Variants in FRRS1 observed in about 807,000 individuals in gnomAD.
FRRS1 encodes the protein ferric chelate reductase 1.
Under a neutral mutation model 70.7 loss-of-function variants are expected in FRRS1, and 51 were observed. That is an observed-to-expected ratio of 0.72 (90% CI 0.58 to 0.91). FRRS1 has a LOEUF of 0.91. Among genes scored for constraint, FRRS1 ranks in the 40% least tolerant of loss-of-function variants. The pLI is 0.00. For missense variants in FRRS1, 672 were observed against 726.0 expected (o/e 0.93, Z 0.86); for synonymous variants, 225 against 238.7 (o/e 0.94, Z 0.53).
chr1:99,718,949 A>G (rs1275987371), intron 10 of FRRS1, among the ~76,000 whole-genome samples: 1 of 152,186 alleles, frequency 6.6e-6, no homozygotes, highest in Non-Finnish European at 1.5e-5. Flanking sequence ...TAGATGTCTT[A>G]AAAGCTCCAC....
At chr1:99,756,840 A>G (rs1389075134) in intron 1 of FRRS1, among the ~76,000 whole-genome samples, 1 of 152,170 alleles carries the variant, frequency 6.6e-6, no homozygotes, top group Non-Finnish European at 1.5e-5. Context: ...TTTATTTTAA[A>G]TTAAAGTATC....
At chr1:99,741,808 C>T (rs1373028308) in intron 5 of FRRS1, among the ~76,000 whole-genome samples, 1 of 152,180 alleles carries the variant, frequency 6.6e-6, no homozygotes, top group East Asian at 1.9e-4. Flanking sequence ...ACTTCATTCA[C>T]TTAACAAATG....
At chr1:99,758,225 T>C (rs182119587) in intron 1 of FRRS1, among the ~76,000 whole-genome samples, 2 of 152,370 alleles carry the variant, frequency 1.3e-5, no homozygotes, top group Admixed American at 6.5e-5. Flanking sequence ...CTCTCTGCTT[T>C]GAAACAAAAG....
intron 1 of FRRS1, among the ~76,000 whole-genome samples, chr1:99,762,783 A>AAAC (rs1438317759): frequency 6.6e-6 from 1 of 152,202 alleles, no homozygotes; most frequent in Non-Finnish European, 1.5e-5. Context: ...ATTGGATTCC[A>AAAC]AACACTCTTT....
chr1:99,737,081 T>A (rs1257844379), intron 7 of FRRS1, among the ~76,000 whole-genome samples: 2 of 152,042 alleles, frequency 1.3e-5, no homozygotes, highest in African/African-American at 2.4e-5. Context: ...CCATTTCTGG[T>A]CATCCCTATG....
rs1351937415 is a variant in FRRS1 at position 99,728,554 on chromosome 1, C to T, written c.945G>A (p.Lys315=). ...AGCTTGTGTTTAGATCAAATCTATT[C>T]TTAACTCCAGGAAGGGTAATGTTTC... ...FRRNITLPGV[K]NRFDLNTSYY... is the part of the protein sequence containing the mutation. The change falls in exon 9 of 17, where the codon AAG becomes AAA. Residue 315 remains lysine (K), a synonymous_variant. Transcript: ENST00000646001. 1 of 1,613,154 alleles carries T rather than the reference C, an allele frequency of 6.2e-7. No homozygotes were observed. The highest frequency in any genetic ancestry group is 2.2e-5 in the East Asian group (1 of 44,872).
chr1:99,717,946 G>A, intron 10 of FRRS1, among the ~76,000 whole-genome samples: 1 of 152,178 alleles, frequency 6.6e-6, no homozygotes, highest in East Asian at 1.9e-4. Context: ...CTGCCTGTGT[G>A]TAGTTATTTC....
At chr1:99,766,517 C>T (rs1412112734) in intron 1 of FRRS1, 90 bp downstream of exon 1, 1 of 152,178 alleles carries the variant, frequency 6.6e-6, no homozygotes, top group Non-Finnish European at 1.5e-5. Flanking sequence ...TCAGCACAGG[C>T]ACTCGCTCTC....
intron 4 of FRRS1, among the ~76,000 whole-genome samples, chr1:99,744,901 C>G (rs1351416051): frequency 1.5e-5 from 2 of 136,680 alleles, no homozygotes; most frequent in African/African-American, 5.1e-5. Flanking sequence ...ACCCGGGAGG[C>G]GGAGCTTGCA....
At chr1:99,727,814 C>A (rs1302770775) in intron 9 of FRRS1, among the ~76,000 whole-genome samples, 1 of 152,184 alleles carries the variant, frequency 6.6e-6, no homozygotes, top group Non-Finnish European at 1.5e-5. Context: ...GAAACAAAAT[C>A]GAATTATTCC....
Position 99,707,464 on chromosome 1 carries a change from A to ATTCATTAT in FRRS1, c.*1556_*1563dup, listed in dbSNP as rs1349194949. 6.6e-6 allele frequency among the ~76,000 whole-genome samples: 1 copy of ATTCATTAT among 152,222 alleles called. No individual in the cohort carries two copies. Among genetic ancestry groups the ATTCATTAT allele is most frequent in the Non-Finnish European group, 1.5e-5 (1 of 68,034 alleles). ...TATTTGCTTTGCCTAAGATAGCTGC[A>ATTCATTAT]TTCATTATTACAGGGTCAGGGGACT... is the stretch of plus-strand genomic sequence containing the variant. On this transcript the variant is annotated 3_prime_UTR_variant, in exon 17 of 17. Coordinates refer to ENST00000646001, the MANE Select transcript of FRRS1 (RefSeq NM_001361041.2).
chr1:99,748,556 T>C lies in FRRS1; in HGVS notation c.196+17A>G. On this transcript the variant is annotated intron_variant, in intron 3 of 16. Transcript: ENST00000646001. ...GAGTGAAATCCAAAATGTAAACAGT[T>C]AATCCCAGCACGGTACCTTCAATCT... 1 of 1,594,746 alleles carries C rather than the reference T, an allele frequency of 6.3e-7. No homozygotes were observed. Among genetic ancestry groups the C allele is most frequent in the Non-Finnish European group, 8.6e-7 (1 of 1,165,908 alleles).
intron 9 of FRRS1, among the ~76,000 whole-genome samples, chr1:99,723,307 G>A (rs1043133373): frequency 6.6e-6 from 1 of 152,098 alleles, no homozygotes; most frequent in Non-Finnish European, 1.5e-5. Flanking sequence ...CTTGAGCCGG[G>A]GAGTTGGAGA....
rs1325346237 is a variant in FRRS1, at chr1:99,704,252, A to G, written c.*4776T>C. 6.6e-6 allele frequency among the ~76,000 whole-genome samples: 1 copy of G among 152,210 alleles called. No individual in the cohort carries two copies. Among genetic ancestry groups the G allele is most frequent in the Non-Finnish European group, 1.5e-5 (1 of 68,044 alleles). On this transcript the variant is annotated 3_prime_UTR_variant, in exon 17 of 17. Coordinates refer to ENST00000646001, the MANE Select transcript of FRRS1 (RefSeq NM_001361041.2). The stretch of plus-strand genomic sequence containing the variant: ...ACATGCAGCTTGTAAACCAACAAGC[A>G]AACATGCACATTCAGGTCTTCTAAT...
At position 99,708,392 on chromosome 1, in the gene FRRS1, G is replaced by T. The variant is rs539750662; in HGVS notation, c.*636C>A. Among the ~76,000 whole-genome samples the T allele has an allele frequency of 2.6e-5, 4 of 151,782 alleles. No homozygotes were observed. The highest frequency in any genetic ancestry group is 4.4e-5 in the Non-Finnish European group (3 of 67,918). On this transcript the variant is annotated 3_prime_UTR_variant, in exon 17 of 17. Coordinates refer to ENST00000646001, the MANE Select transcript of FRRS1 (RefSeq NM_001361041.2). ...AGGCAGGCAGATCACAAGGTCAGGA[G>T]ATCGAGACCATCCTGTGAATGGTGA...
chr1:99,744,399 A>G (rs990237756), intron 4 of FRRS1, among the ~76,000 whole-genome samples: 3 of 152,202 alleles, frequency 2.0e-5, no homozygotes, highest in Admixed American at 2.0e-4. Context: ...AGCAGCTTCT[A>G]TTGACCAAGA....
Position 99,734,971 on chromosome 1 carries a change from G to T in FRRS1, c.759+3115C>A, listed in dbSNP as rs528091102. On this transcript the variant is annotated intron_variant, in intron 7 of 16. Coordinates refer to ENST00000646001, the MANE Select transcript of FRRS1 (RefSeq NM_001361041.2). ...ATAAGATGATACAGCGCAGTGGAAG[G>T]AGAAGGAAGGAAGCTAATGCGCATA... 2.0e-5 allele frequency among the ~76,000 whole-genome samples: 3 copies of T among 152,262 alleles called. No individual in the cohort carries two copies. The South Asian group carries it at 6.2e-4, about 32-fold the overall frequency.
At chr1:99,726,729 C>T (rs1380386940) in intron 9 of FRRS1, among the ~76,000 whole-genome samples, 1 of 152,148 alleles carries the variant, frequency 6.6e-6, no homozygotes, top group African/African-American at 2.4e-5. Context: ...CTTTTTGAGA[C>T]AGGGTCTCCC....
chr1:99,758,563 A>C (rs950661228), intron 1 of FRRS1, among the ~76,000 whole-genome samples: 1 of 152,126 alleles, frequency 6.6e-6, no homozygotes, highest in Non-Finnish European at 1.5e-5. Flanking sequence ...ACGTCATCTC[A>C]GGACCACTGT....
Sources: gnomAD v4.1 joint callset for allele counts (sites outside exome capture counted in the v4.1 genomes callset) on GRCh38, gnomAD v4.1.1 for gene constraint, MANE v1.5 for transcripts, NCBI Gene and HGNC (gene_info 2026-07-23, HGNC 2026-07-21) for gene names.